The following CES5A variants were observed in gnomAD, a reference collection of about 807,000 sequenced individuals.
CES5A encodes carboxylesterase 5.
A neutral mutation model predicts 62.9 loss-of-function variants in CES5A; 67 were observed. The ratio of observed to expected loss-of-function variants is 1.07; its 90% confidence interval spans 0.88 to 1.31. The LOEUF is 1.31. Among genes scored for constraint, CES5A ranks in the 50% most tolerant of loss-of-function variants. The pLI, the probability that CES5A is intolerant of heterozygous loss-of-function variation, is 0.00. For synonymous variants in CES5A, 296 were observed against 280.8 expected, an observed-to-expected ratio of 1.05 and a Z score of -0.54; for missense variants, 748 against 708.5, an observed-to-expected ratio of 1.06 and a Z score of -0.63.
intron 4 of CES5A, among the ~76,000 whole-genome samples, chr16:55,866,681 C>CAAAAAAAAAAAAAAAAAAAAAAA (rs1287845742): frequency 2.0e-5 from 2 of 98,376 alleles, no homozygotes; most frequent in Non-Finnish European, 4.2e-5. Context: ...AAAAAAAATA[C>CAAAAAAAAAAAAAAAAAAAAAAA]AAAAAAATTA....
At chr16:55,886,164 T>G (rs1162607772) in intron 1 of CES5A, among the ~76,000 whole-genome samples, 2 of 152,156 alleles carry the variant, frequency 1.3e-5, no homozygotes, top group African/African-American at 2.4e-5. Flanking sequence ...CCTCAAAAGA[T>G]AGTGATGAGA....
chr16:55,854,544 C>CTTTTTTTTCTTT (rs2033200676), intron 9 of CES5A, among the ~76,000 whole-genome samples: 19 of 64,424 alleles, frequency 2.9e-4, no homozygotes, highest in Admixed American at 4.7e-4. Context: ...TTTTTTTTTT[C>CTTTTTTTTCTTT]TTTTTTTTTT....
chr16:55,954,250 G>A (rs1334962861), intron 1 of CES5A, among the ~76,000 whole-genome samples: 1 of 152,160 alleles, frequency 6.6e-6, no homozygotes, highest in Admixed American at 6.5e-5. Context: ...ATCCAAATGT[G>A]CCAGGCTTTG....
chr16:55,875,574 C>G (rs1183002250), upstream of CES5A, among the ~76,000 whole-genome samples: 1 of 152,186 alleles, frequency 6.6e-6, no homozygotes, highest in Non-Finnish European at 1.5e-5. Context: ...GGTTTCCAGA[C>G]CTGCCTGTGA....
At chr16:55,949,095 T>A (rs531062773) in intron 2 of CES5A, among the ~76,000 whole-genome samples, 18 of 152,360 alleles carry the variant, frequency 1.2e-4, no homozygotes, top group Non-Finnish European at 2.4e-4. Flanking sequence ...TTTGCTCTGA[T>A]ACACGTAATA....
intron 2 of CES5A, among the ~76,000 whole-genome samples, chr16:55,938,285 T>TG (rs2093849991): frequency 6.6e-6 from 1 of 152,186 alleles, no homozygotes; most frequent in Admixed American, 6.5e-5. Flanking sequence ...ACATGCTCTC[T>TG]GGCTCCATAC....
chr16:55,900,945 A>G (rs541120447), intron 1 of CES5A, among the ~76,000 whole-genome samples: 2 of 152,304 alleles, frequency 1.3e-5, no homozygotes, highest in South Asian at 4.1e-4. Context: ...CTGAAGCACA[A>G]AGAGGAAGGG....
intron 8 of CES5A, among the ~76,000 whole-genome samples, chr16:55,857,514 CTCCTGG>C (rs543857829): frequency 2.6e-3 from 394 of 152,302 alleles, no homozygotes; most frequent in South Asian, 0.025. Flanking sequence ...CAGTACCTGC[CTCCTGG>C]AATCTCAGGG....
chr16:55,891,951 G>T (rs1451449526), intron 1 of CES5A, among the ~76,000 whole-genome samples: 1 of 152,082 alleles, frequency 6.6e-6, no homozygotes, highest in African/African-American at 2.4e-5. Context: ...CATCCTTTGT[G>T]GGGGGAAATT....
At chr16:55,894,723 C>T (rs760119289) in intron 1 of CES5A, among the ~76,000 whole-genome samples, 1 of 151,960 alleles carries the variant, frequency 6.6e-6, no homozygotes, top group Admixed American at 6.6e-5. Context: ...AAAAAGTTGC[C>T]GAACCTCAAC....
intron 1 of CES5A, among the ~76,000 whole-genome samples, chr16:55,916,742 G>T (rs1369935105): frequency 2.0e-5 from 3 of 152,100 alleles, no homozygotes; most frequent in Admixed American, 6.5e-5. Flanking sequence ...GAAATGAAAG[G>T]GAAAGTCCAT....
intron 1 of CES5A, among the ~76,000 whole-genome samples, chr16:55,885,146 T>G (rs1479469710): frequency 6.6e-6 from 1 of 152,220 alleles, no homozygotes; most frequent in Non-Finnish European, 1.5e-5. Flanking sequence ...GTAGGCTTTG[T>G]TCTCCATGTA....
chr16:55,895,429 T>C (rs1420285469), intron 1 of CES5A, among the ~76,000 whole-genome samples: 1 of 152,234 alleles, frequency 6.6e-6, no homozygotes, highest in African/African-American at 2.4e-5. Context: ...GTGTTTTGGA[T>C]TTGGCACACG....
chr16:55,898,641 T>C (rs1412628995), intron 1 of CES5A, among the ~76,000 whole-genome samples: 1 of 152,134 alleles, frequency 6.6e-6, no homozygotes, highest in Non-Finnish European at 1.5e-5. Flanking sequence ...TAAAGTCTCA[T>C]CTCCAATTAC....
At position 55,869,629 on chromosome 16, in the gene CES5A, C is replaced by A; in HGVS notation, c.533G>T (p.Gly178Val). The A allele has an allele frequency of 6.2e-7, 1 of 1,613,870 alleles. No homozygotes were observed. The highest frequency in any genetic ancestry group is 8.5e-7 in the Non-Finnish European group (1 of 1,179,932). Residue 178 changes from glycine (G) to valine (V), a missense_variant, in exon 4 of 13, where the codon GGA becomes GTA. Transcript: ENST00000290567. ...VLVVVVQYRL[G>V]IFGFFTTWDQ... ...GACTCACGTGAAGAAACCAAATATT[C>A]CTAGCCGGTACTGGACGACCACAAC...
chr16:55,923,401 C>CAAAT (rs1260483557), intron 1 of CES5A, among the ~76,000 whole-genome samples: 1 of 151,674 alleles, frequency 6.6e-6, no homozygotes, highest in Non-Finnish European at 1.5e-5. Flanking sequence ...TATACTCCAA[C>CAAAT]AAATTGGAAA....
intron 2 of CES5A, among the ~76,000 whole-genome samples, chr16:55,932,770 TG>T (rs2034328441): frequency 6.6e-6 from 1 of 152,108 alleles, no homozygotes; most frequent in African/African-American, 2.4e-5. Context: ...GCTGATGAGA[TG>T]AGGTTCAAGA....
chr16:55,861,458 C>T lies in CES5A; in HGVS notation c.869G>A (p.Arg290Lys). Residue 290 changes from arginine to lysine, a missense_variant, in exon 7 of 13, where the codon AGG becomes AAG. Transcript: ENST00000290567. ...NNASDSEALL[R>K]CLRTKPSKEL... The stretch of plus-strand genomic sequence containing the variant: ...CTTGGAGGGTTTTGTCCTCAGGCAC[C>T]TCAGCAGGGCCTCAGAGTCTGACGC... 1 of 1,614,058 alleles carries T rather than the reference C, an allele frequency of 6.2e-7. No individual in the cohort carries two copies. The highest frequency in any genetic ancestry group is 1.6e-4 in the Middle Eastern group (1 of 6,062).
intron 5 of CES5A, among the ~76,000 whole-genome samples, chr16:55,864,349 C>T (rs1415921958): frequency 6.6e-6 from 1 of 152,176 alleles, no homozygotes; most frequent in Non-Finnish European, 1.5e-5. Flanking sequence ...AATTAACCTG[C>T]CAACTGATGC....
Sources: gnomAD v4.1 joint callset for allele counts (sites outside exome capture counted in the v4.1 genomes callset) on GRCh38, gnomAD v4.1.1 for gene constraint, MANE v1.5 for transcripts, NCBI Gene and HGNC (gene_info 2026-07-23, HGNC 2026-07-21) for gene names.